DRG2: variants seen among roughly 807,000 people sequenced by gnomAD.
DRG2 encodes developmentally-regulated GTP-binding protein 2.
DRG2 carries 36 observed loss-of-function variants against 53.4 expected under a neutral mutation model. The observed-to-expected ratio is 0.67, with a 90% CI of 0.52 to 0.89. The LOEUF is 0.89. Among genes scored for constraint, DRG2 ranks in the 40% least tolerant of loss-of-function variants. The pLI is 0.00. For synonymous variants in DRG2, 167 were observed against 192.1 expected (o/e 0.87, Z 1.08); for missense variants, 342 against 481.2 (o/e 0.71, Z 2.71).
chr17:18,097,781 C>G (rs569428589), intron 2 of DRG2: 1 of 153,044 alleles, frequency 6.5e-6, no homozygotes, highest in Non-Finnish European at 1.5e-5. Context: ...TCCCAGTTCC[C>G]CACTCCCTCC....
rs2045494116 is a variant in DRG2, at chr17:18,099,668, C to T, written c.412C>T (p.Arg138Cys). 3.7e-6 allele frequency: 6 copies of T among 1,607,882 alleles called. No individual in the cohort carries two copies. The highest frequency in any genetic ancestry group is 5.1e-6 in the Non-Finnish European group (6 of 1,177,968). ...GRGRQVIAVA[R>C]TADVIIMMLD... ...TGGCCGGCAGGTGATCGCTGTGGCGCGCACGGCTGACGTCATCATCATGAT... is the reference window on the plus strand; with the variant it reads ...TGGCCGGCAGGTGATCGCTGTGGCGTGCACGGCTGACGTCATCATCATGAT... Residue 138 changes from arginine (R) to cysteine (C), a missense_variant, in exon 5 of 13, where the codon CGC becomes TGC. Transcript: ENST00000225729. The surrounding 1 kb of genome is among the most constrained non-coding windows in gnomAD (Gnocchi z 4.4).
At chr17:18,091,766 G>A (rs1442995573) in intron 1 of DRG2, among the ~76,000 whole-genome samples, 2 of 152,302 alleles carry the variant, frequency 1.3e-5, no homozygotes, top group Non-Finnish European at 1.5e-5. Flanking sequence ...GCTGAGGTAG[G>A]AGAATCTCTT....
chr17:18,099,006 C>T lies in DRG2; in HGVS notation c.316-11C>T, dbSNP rs1355258282. The stretch of plus-strand genomic sequence containing the variant: ...AGCCTTGCCTTACCTTTCTTCTCTT[C>T]TGCATCCTAGTACAAAGGTGCCAAC... On this transcript the variant is annotated splice_polypyrimidine_tract_variant and intron_variant, in intron 3 of 12. Coordinates refer to ENST00000225729, the MANE Select transcript of DRG2 (RefSeq NM_001388.5). The surrounding 1 kb of genome is among the most constrained non-coding windows in gnomAD (Gnocchi z 4.4). 7.4e-6 allele frequency: 12 copies of T among 1,613,986 alleles called. No individual in the cohort carries two copies. Among genetic ancestry groups the T allele is most frequent in the Non-Finnish European group, 1.0e-5 (12 of 1,179,914 alleles).
chr17:18,107,397 G>T lies in DRG2; in HGVS notation c.*157G>T. 1 of 720,440 alleles carries T rather than the reference G, an allele frequency of 1.4e-6. No individual in the cohort carries two copies. The highest frequency in any genetic ancestry group is 1.8e-5 in the African/African-American group (1 of 56,878). The allele number at this position is 720,440 out of a possible 1,614,324, so 44.6% of individuals were successfully genotyped here. On this transcript the variant is annotated 3_prime_UTR_variant, in exon 13 of 13. Coordinates refer to ENST00000225729, the MANE Select transcript of DRG2 (RefSeq NM_001388.5). Reference sequence around the variant, plus strand: ...TTTACAGAAGTTTCTTCAGTAGGCAGACGAAGAGTGTGTTGGGGCAAAGGG... The same window carrying T: ...TTTACAGAAGTTTCTTCAGTAGGCATACGAAGAGTGTGTTGGGGCAAAGGG...
chr17:18,100,070 C>A lies in DRG2; in HGVS notation c.468-293C>A. ...CATCCTGGCAGAGGGGTACACCAGG[C>A]CTGCCTCCTCGGGACCAGAAGGAGT... On this transcript the variant is annotated intron_variant, in intron 5 of 12. Transcript: ENST00000225729. This position sits in a 1 kb window ranked among gnomAD's most constrained non-coding sequence, Gnocchi z 4.1. 1 of 576,784 alleles carries A rather than the reference C, an allele frequency of 1.7e-6. No homozygotes were observed. The highest frequency in any genetic ancestry group is 2.1e-5 in the South Asian group (1 of 48,570). The allele number at this position is 576,784 out of a possible 1,614,324, so 35.7% of individuals were successfully genotyped here.
Position 18,098,068 on chromosome 17 carries a change from G to T in DRG2, c.226-202G>T. The T allele has an allele frequency of 1.9e-6, 1 of 517,988 alleles. No homozygotes were observed. The allele number at this position is 517,988 out of a possible 1,614,324, so 32.1% of individuals were successfully genotyped here. A position where few individuals can be genotyped will look rare whatever the true frequency, so the allele number is the denominator to read the frequency against. ...CCTGAGGCCTCCAAGGAACAGATGG[G>T]CCTCTGGTGTCTGACCCATCCAGGA... On this transcript the variant is annotated intron_variant, in intron 2 of 12. Transcript: ENST00000225729. The surrounding 1 kb of genome is among the most constrained non-coding windows in gnomAD (Gnocchi z 4.1).
intron 1 of DRG2, among the ~76,000 whole-genome samples, chr17:18,091,456 C>CA (rs1245398678): frequency 2.6e-5 from 4 of 151,998 alleles, no homozygotes; most frequent in African/African-American, 9.7e-5. Flanking sequence ...CATGGTGGCA[C>CA]CAGCCTGTAG....
chr17:18,107,334 A>C lies in DRG2; in HGVS notation c.*94A>C. 2.4e-6 allele frequency: 3 copies of C among 1,229,168 alleles called. No homozygotes were observed. Among genetic ancestry groups the C allele is most frequent in the Non-Finnish European group, 3.5e-6 (3 of 860,574 alleles). 76.1% of individuals were successfully genotyped at this position (1,229,168 alleles called of 1,614,324 possible). ...AACACCCAAACAGAAAAATACAAAT[A>C]CACGTACCCCAGGAAGGGGTCCCTC... On this transcript the variant is annotated 3_prime_UTR_variant, in exon 13 of 13. Transcript: ENST00000225729.
chr17:18,099,021 A>G lies in DRG2; in HGVS notation c.320A>G (p.Lys107Arg), dbSNP rs1346178158. Reference protein sequence around the residue: ...LTCIPGVIEYKGANIQLLDLP... With the variant: ...LTCIPGVIEYRGANIQLLDLP... ...TTCTTCTCTTCTGCATCCTAGTACA[A>G]AGGTGCCAACATCCAGCTCCTGGAC... is the stretch of plus-strand genomic sequence containing the variant. Residue 107 changes from lysine (K) to arginine (R), a missense_variant, in exon 4 of 13, where the codon AAA becomes AGA. Coordinates refer to ENST00000225729, the MANE Select transcript of DRG2 (RefSeq NM_001388.5). The surrounding 1 kb of genome is among the most constrained non-coding windows in gnomAD (Gnocchi z 4.4). The G allele has an allele frequency of 6.2e-7, 1 of 1,613,858 alleles. No individual in the cohort carries two copies. Among genetic ancestry groups the G allele is most frequent in the African/African-American group, 1.3e-5 (1 of 74,902 alleles).
intron 1 of DRG2, among the ~76,000 whole-genome samples, chr17:18,088,893 G>T (rs2045264195): frequency 6.6e-6 from 1 of 152,200 alleles, no homozygotes; most frequent in Admixed American, 6.5e-5. Context: ...GGCCACTGCT[G>T]AGACAAAGAC....
chr17:18,104,975 T>C (rs2955387), intron 11 of DRG2, among the ~76,000 whole-genome samples: 139,520 of 152,266 alleles, frequency 0.92, 63,927 homozygotes, highest in South Asian at 0.96. Flanking sequence ...CTGCCTGGCT[T>C]TGCAGAGATG....
intron 1 of DRG2, among the ~76,000 whole-genome samples, chr17:18,090,359 C>T (rs546687811): frequency 2.9e-5 from 3 of 104,270 alleles, no homozygotes; most frequent in East Asian, 2.6e-4. Context: ...ACCACCACAC[C>T]GGGCTAATTT....
In DRG2 at chr17:18,098,276, T is replaced by C. The variant is rs1318253111; in HGVS notation, c.232T>C (p.Phe78Leu). 5 of 1,613,590 alleles carry C rather than the reference T, an allele frequency of 3.1e-6. No individual in the cohort carries two copies. Among genetic ancestry groups the C allele is most frequent in the Non-Finnish European group, 4.2e-6 (5 of 1,179,678 alleles). ...TGATCTCCTTTTCTCCTAGTCCACA[T>C]TCTTGAGTCTGATGACCTCCACGGC... ...IGFPSVGKST[F>L]LSLMTSTASE... is the part of the protein sequence containing the mutation. The change falls in exon 3 of 13, where the codon TTC (phenylalanine) becomes CTC (leucine). Residue 78 changes from phenylalanine to leucine, a missense_variant. Physicochemically the swap from Phe to Leu is conservative, Grantham distance 22. Transcript: ENST00000225729. This position sits in a 1 kb window ranked among gnomAD's most constrained non-coding sequence, Gnocchi z 4.1.
chr17:18,100,261 A>G lies in DRG2; in HGVS notation c.468-102A>G. The G allele has an allele frequency of 8.4e-7, 1 of 1,191,742 alleles. No individual in the cohort carries two copies. The highest frequency in any genetic ancestry group is 1.2e-6 in the Non-Finnish European group (1 of 800,430). 73.8% of individuals were successfully genotyped at this position (1,191,742 alleles called of 1,614,324 possible). On this transcript the variant is annotated intron_variant, in intron 5 of 12. Coordinates refer to ENST00000225729, the MANE Select transcript of DRG2 (RefSeq NM_001388.5). The surrounding 1 kb of genome is among the most constrained non-coding windows in gnomAD (Gnocchi z 4.1). ...GTTGCTGGGGAAGGGGGTGGAGGAG[A>G]GAGTCAGTCTCTGGGTGGGCAGTGA...
chr17:18,095,163 C>T (rs2142187560), intron 2 of DRG2, among the ~76,000 whole-genome samples: 1 of 151,282 alleles, frequency 6.6e-6, no homozygotes, highest in South Asian at 2.1e-4. Context: ...AGGCATCCGC[C>T]ACCACCCCTG....
intron 1 of DRG2, chr17:18,091,853 A>G (rs4924836): frequency 0.92 from 139,837 of 152,166 alleles, 64,263 homozygotes; most frequent in South Asian, 0.95. Flanking sequence ...GTGAGACTCC[A>G]TCTCAAAAAG....
Position 18,088,103 on chromosome 17 carries a change from G to A in DRG2, c.64+16G>A. On this transcript the variant is annotated intron_variant, in intron 1 of 12. Coordinates refer to ENST00000225729, the MANE Select transcript of DRG2 (RefSeq NM_001388.5). ...AAGAACAAGGGTGAGGGCCGGCCGG[G>A]CGGGGCCTTCCTTTCTGCCTGCCTC... 1.3e-6 allele frequency: 2 copies of A among 1,539,366 alleles called. No homozygotes were observed. Among genetic ancestry groups the A allele is most frequent in the Non-Finnish European group, 1.8e-6 (2 of 1,142,094 alleles).
Position 18,098,361 on chromosome 17 carries a change from T to C in DRG2, c.315+2T>C. 2 of 1,613,542 alleles carry C rather than the reference T, an allele frequency of 1.2e-6. No individual in the cohort carries two copies. Among genetic ancestry groups the C allele is most frequent in the Non-Finnish European group, 1.7e-6 (2 of 1,179,564 alleles). On this transcript the variant is annotated splice_donor_variant, in intron 3 of 12. Transcript: ENST00000225729. LOFTEE classifies it high-confidence loss of function. The surrounding 1 kb of genome is among the most constrained non-coding windows in gnomAD (Gnocchi z 4.1). ...ACGTGTATTCCTGGGGTCATTGAAG[T>C]AAGTGGGTGTGCTGGGCCCAGAAGG...
At chr17:18,096,304 G>GAA (rs1407537317) in intron 2 of DRG2, 4 of 152,144 alleles carry the variant, frequency 2.6e-5, no homozygotes, top group African/African-American at 7.2e-5. Flanking sequence ...AGCATCTACA[G>GAA]AAACTGTTTG....
Sources: gnomAD v4.1 joint callset for allele counts (sites outside exome capture counted in the v4.1 genomes callset) on GRCh38, gnomAD v4.1.1 for gene constraint, Gnocchi (gnomAD v3.1) non-coding constraint, MANE v1.5 for transcripts, NCBI Gene and HGNC (gene_info 2026-07-23, HGNC 2026-07-21) for gene names.